DNAH9: variants seen among roughly 807,000 people sequenced by gnomAD.
The protein encoded by DNAH9 is DNAH9 variant protein.
In DNAH9, 345 loss-of-function variants were observed where a neutral mutation model predicts 471.6. The ratio of observed to expected loss-of-function variants is 0.73; its 90% confidence interval spans 0.67 to 0.80. The LOEUF (loss-of-function observed/expected upper bound fraction) is 0.80, where lower values mean the gene tolerates loss of function less well. Among genes scored for constraint, DNAH9 ranks in the 30% least tolerant of loss-of-function variants. The probability of loss-of-function intolerance (pLI) is 0.00; values close to 1 mark genes in which losing one functional copy is unlikely to be tolerated. For synonymous variants in DNAH9, 2,093 were observed against 2,123.6 expected (o/e 0.99, Z 0.40); for missense variants, 5,407 against 5,609.2 (o/e 0.96, Z 1.15).
chr17:11,610,439 G>A lies in DNAH9; in HGVS notation c.658G>A (p.Ala220Thr), dbSNP rs766478328. ...DKSVIYAIES[A>T]VIKWSYQVQV... ...GTCAGTCATCTATGCCATTGAGTCT[G>A]CAGTGATCAAATGGAGCTACCAAGT... is the stretch of plus-strand genomic sequence containing the variant. The change falls in exon 3 of 69, where the codon GCA becomes ACA. Residue 220 changes from alanine (A) to threonine (T), a missense_variant. Coordinates refer to ENST00000262442, the MANE Select transcript of DNAH9 (RefSeq NM_001372.4). 6.8e-6 allele frequency: 11 copies of A among 1,613,576 alleles called. No homozygotes were observed. The South Asian group carries it at 9.9e-5, about 14-fold the overall frequency.
At chr17:11,716,378 G>A (rs1016991151) in intron 26 of DNAH9, among the ~76,000 whole-genome samples, 1 of 152,038 alleles carries the variant, frequency 6.6e-6, no homozygotes, top group South Asian at 2.1e-4. Context: ...ACCGTGCCCG[G>A]CCCTGTCTTT....
intron 20 of DNAH9, among the ~76,000 whole-genome samples, chr17:11,691,109 TC>T (rs1466195505): frequency 4.6e-5 from 7 of 152,208 alleles, no homozygotes; most frequent in African/African-American, 1.4e-4. Flanking sequence ...TTAGCTTGAT[TC>T]CAAAATGTCA....
At chr17:11,766,702 C>T (rs923111703) in intron 36 of DNAH9, among the ~76,000 whole-genome samples, 15 of 152,144 alleles carry the variant, frequency 9.9e-5, no homozygotes, top group East Asian at 3.9e-4. Context: ...CGGTGGCTCA[C>T]GCCTGTAATC....
chr17:11,824,892 C>T (rs111949851), intron 48 of DNAH9, among the ~76,000 whole-genome samples: 1 of 147,318 alleles, frequency 6.8e-6, no homozygotes, highest in East Asian at 1.9e-4. Flanking sequence ...TCCTTCTCCT[C>T]CTCCTTCTCC....
At chr17:11,616,947 A>T (rs1346068393) in intron 4 of DNAH9, among the ~76,000 whole-genome samples, 2 of 152,192 alleles carry the variant, frequency 1.3e-5, no homozygotes, top group East Asian at 3.9e-4. Context: ...AAAGATTCCT[A>T]TTGAACTACC....
At chr17:11,778,390 G>A (rs1422449703) in intron 38 of DNAH9, among the ~76,000 whole-genome samples, 1 of 150,542 alleles carries the variant, frequency 6.6e-6, no homozygotes, top group Non-Finnish European at 1.5e-5. Context: ...AAGAGAAACG[G>A]GGTGCCTGGA....
intron 59 of DNAH9, among the ~76,000 whole-genome samples, chr17:11,901,374 A>T (rs771542484): frequency 3.3e-5 from 5 of 152,336 alleles, no homozygotes; most frequent in African/African-American, 1.2e-4. Context: ...TGGAAGAAGA[A>T]GAATTGTCTT....
chr17:11,936,392 A>C (rs1974715468), intron 65 of DNAH9, among the ~76,000 whole-genome samples: 1 of 152,182 alleles, frequency 6.6e-6, no homozygotes, highest in African/African-American at 2.4e-5. Flanking sequence ...AACTTTGGAA[A>C]GTCAAGGCTG....
In DNAH9 at chr17:11,816,425, A is replaced by G. The variant is rs965621774; in HGVS notation, c.8708-5495A>G. On this transcript the variant is annotated intron_variant, in intron 45 of 68. Transcript: ENST00000262442. The stretch of plus-strand genomic sequence containing the variant: ...GGTACTTCTTTAAGTAAAGTAAGTA[A>G]CAGCATGAGAATGATGTGCCATTAA... Among the ~76,000 whole-genome samples, 3 of 152,250 alleles carry G rather than the reference A, an allele frequency of 2.0e-5. No homozygotes were observed. In the East Asian group the frequency reaches 5.8e-4, roughly 29 times the overall value.
At chr17:11,854,519 T>C in intron 50 of DNAH9, 91 bp downstream of exon 50, 2 of 1,415,808 alleles carry the variant, frequency 1.4e-6, no homozygotes. Context: ...CGTTACGGTT[T>C]TTAAAGAGAA....
At chr17:11,737,013 G>A (rs2075359000) in intron 28 of DNAH9, among the ~76,000 whole-genome samples, 4 of 152,196 alleles carry the variant, frequency 2.6e-5, no homozygotes, top group Admixed American at 2.6e-4. Flanking sequence ...TAACTTGCAG[G>A]GTGATGAAGG....
At chr17:11,967,888 A>G (rs1011045157) in intron 68 of DNAH9, among the ~76,000 whole-genome samples, 1 of 152,330 alleles carries the variant, frequency 6.6e-6, no homozygotes, top group Non-Finnish European at 1.5e-5. Context: ...AAAAAAGGAC[A>G]TTTTATGAGA....
chr17:11,742,463 TC>T, intron 30 of DNAH9, 150 bp downstream of exon 30: 1 of 704,120 alleles, frequency 1.4e-6, no homozygotes. Flanking sequence ...TCTGAACACT[TC>T]CATATTAATG....
chr17:11,927,564 G>A lies in DNAH9; in HGVS notation c.11878-2302G>A, dbSNP rs905896272. Among the ~76,000 whole-genome samples, 31 of 152,188 alleles carry A rather than the reference G, an allele frequency of 2.0e-4. 1 individual carries two copies. The highest frequency in any genetic ancestry group is 1.8e-3 in the Admixed American group (27 of 15,274). ...CAGGTTTGTCGAAGATCTGATGGTT[G>A]TAGGTGTGCAGGAACACAGACCTTC... On this transcript the variant is annotated intron_variant, in intron 62 of 68. Transcript: ENST00000262442.
chr17:11,943,936 A>G (rs1390877741), intron 67 of DNAH9, among the ~76,000 whole-genome samples: 3 of 151,218 alleles, frequency 2.0e-5, no homozygotes, highest in Non-Finnish European at 4.4e-5. Context: ...CTGAGTACGC[A>G]GGTATATATC....
intron 7 of DNAH9, among the ~76,000 whole-genome samples, 154 bp from the exon 8 acceptor site, chr17:11,632,433 G>A (rs1221259585): frequency 1.3e-5 from 2 of 152,140 alleles, no homozygotes; most frequent in African/African-American, 4.8e-5. Flanking sequence ...AACTCTACAT[G>A]GCTAAAAATT....
intron 55 of DNAH9, chr17:11,882,772 TG>T: frequency 4.4e-6 from 1 of 225,616 alleles, no homozygotes; most frequent in Non-Finnish European, 7.4e-6. Flanking sequence ...TAAACAGTGG[TG>T]GTCAGAAAAA....
chr17:11,808,860 G>C (rs1464404372), intron 44 of DNAH9, among the ~76,000 whole-genome samples: 4 of 152,162 alleles, frequency 2.6e-5, no homozygotes, highest in Non-Finnish European at 5.9e-5. Context: ...GCATCCCCAA[G>C]ATGATTCCAA....
chr17:11,916,179 T>C (rs1043516131), intron 61 of DNAH9, among the ~76,000 whole-genome samples: 2 of 152,212 alleles, frequency 1.3e-5, no homozygotes, highest in Admixed American at 6.5e-5. Flanking sequence ...ACCCTGTTTA[T>C]GAGCAATTTC....
Sources: allele counts gnomAD v4.1 joint callset (sites outside exome capture counted in the v4.1 genomes callset), GRCh38; gene constraint gnomAD v4.1.1; transcripts MANE v1.5; gene names NCBI Gene and HGNC (gene_info 2026-07-23, HGNC 2026-07-21).